LOC128125817: variants seen among roughly 807,000 people sequenced by gnomAD.
the LOC128125817 span, among the ~76,000 whole-genome samples, chr1:41,599,423 A>G: frequency 1.3e-5 from 2 of 152,216 alleles, no homozygotes; most frequent in African/African-American, 4.8e-5. Context: ...ATTGTGCTTC[A>G]TTAAAATTTA....
At chr1:41,609,556 T>G in the LOC128125817 span, among the ~76,000 whole-genome samples, 6 of 152,214 alleles carry the variant, frequency 3.9e-5, no homozygotes, top group African/African-American at 9.6e-5. Context: ...GGAGAAAGGG[T>G]TCCACCCCAT....
the LOC128125817 span, among the ~76,000 whole-genome samples, chr1:41,611,498 C>T: frequency 6.6e-6 from 1 of 152,222 alleles, no homozygotes; most frequent in Non-Finnish European, 1.5e-5. Context: ...GTTTTTACAT[C>T]CATCTCACAG....
At chr1:41,586,789 T>G in the LOC128125817 span, among the ~76,000 whole-genome samples, 1 of 152,184 alleles carries the variant, frequency 6.6e-6, no homozygotes, top group Non-Finnish European at 1.5e-5. Flanking sequence ...ATCCTCTAAG[T>G]TCACTCCTTT....
chr1:41,617,681 G>A, the LOC128125817 span, among the ~76,000 whole-genome samples: 1 of 152,220 alleles, frequency 6.6e-6, no homozygotes, highest in Admixed American at 6.5e-5. Flanking sequence ...CATGATGCAC[G>A]GGAGAGAACC....
chr1:41,590,018 C>T, the LOC128125817 span, among the ~76,000 whole-genome samples: 8 of 152,180 alleles, frequency 5.3e-5, no homozygotes, highest in African/African-American at 1.9e-4. Flanking sequence ...AAGCCAGTGC[C>T]CCTTCTAAAA....
At chr1:41,627,809 C>T in the LOC128125817 span, among the ~76,000 whole-genome samples, 2 of 152,150 alleles carry the variant, frequency 1.3e-5, no homozygotes, top group African/African-American at 4.8e-5. Context: ...AATGTAGATT[C>T]CTGGGTCCCC....
chr1:41,620,281 A>C, the LOC128125817 span, among the ~76,000 whole-genome samples: 10 of 152,042 alleles, frequency 6.6e-5, no homozygotes, highest in Non-Finnish European at 1.5e-4. Context: ...AGCAAACAGA[A>C]ATTTTTTCTC....
At chr1:41,617,027 C>T in the LOC128125817 span, among the ~76,000 whole-genome samples, 1 of 152,146 alleles carries the variant, frequency 6.6e-6, no homozygotes, top group Non-Finnish European at 1.5e-5. Flanking sequence ...CGGATTTGAA[C>T]CCTGGCTGTC....
At chr1:41,595,377 C>T in the LOC128125817 span, among the ~76,000 whole-genome samples, 9 of 152,178 alleles carry the variant, frequency 5.9e-5, no homozygotes, top group Non-Finnish European at 4.4e-5. Flanking sequence ...TAGGGCCCAC[C>T]CAGTCTTCCT....
chr1:41,626,485 G>T, the LOC128125817 span, among the ~76,000 whole-genome samples: 2 of 152,208 alleles, frequency 1.3e-5, no homozygotes, highest in Admixed American at 6.5e-5. Context: ...CAAACAAAGA[G>T]TCTGGGCACG....
the LOC128125817 span, among the ~76,000 whole-genome samples, chr1:41,627,911 T>G: frequency 2.5e-4 from 38 of 151,244 alleles, no homozygotes; most frequent in African/African-American, 8.3e-4. Context: ...TTCCTTCCTT[T>G]GTCATACCAG....
chr1:41,599,369 A>G, the LOC128125817 span, among the ~76,000 whole-genome samples: 1 of 152,222 alleles, frequency 6.6e-6, no homozygotes, highest in East Asian at 1.9e-4. Flanking sequence ...TTCTTACTCG[A>G]TTGACAAACG....
the LOC128125817 span, among the ~76,000 whole-genome samples, chr1:41,627,667 C>G: frequency 2.0e-5 from 3 of 152,238 alleles, no homozygotes; most frequent in East Asian, 1.9e-4. Context: ...TTCAGAGAAG[C>G]GAAAGAGTCA....
chr1:41,594,522 G>T, the LOC128125817 span, among the ~76,000 whole-genome samples: 3 of 152,136 alleles, frequency 2.0e-5, no homozygotes, highest in Non-Finnish European at 4.4e-5. Flanking sequence ...CCGCCTGGCC[G>T]ATATCTTATG....
chr1:41,596,797 C>T, the LOC128125817 span, among the ~76,000 whole-genome samples: 1 of 152,106 alleles, frequency 6.6e-6, no homozygotes, highest in Non-Finnish European at 1.5e-5. Flanking sequence ...CCCCCAAGGG[C>T]CCTGATCTTG....
chr1:41,615,373 C>T, the LOC128125817 span, among the ~76,000 whole-genome samples: 1 of 152,248 alleles, frequency 6.6e-6, no homozygotes, highest in Admixed American at 6.5e-5. Flanking sequence ...TGCCCCCCAT[C>T]TCCTCCACCT....
the LOC128125817 span, among the ~76,000 whole-genome samples, chr1:41,586,578 C>T: frequency 7.3e-5 from 11 of 150,774 alleles, no homozygotes; most frequent in Middle Eastern, 3.4e-3. Flanking sequence ...TGCCCTCAGG[C>T]TCCCCTCATG....
the LOC128125817 span, among the ~76,000 whole-genome samples, chr1:41,607,423 C>G: frequency 1.3e-5 from 2 of 152,174 alleles, no homozygotes; most frequent in African/African-American, 4.8e-5. Context: ...GCAAGTATTT[C>G]CTTTCCTCCA....
the LOC128125817 span, among the ~76,000 whole-genome samples, chr1:41,605,197 G>GAAGGC: frequency 1.3e-5 from 2 of 148,372 alleles, no homozygotes; most frequent in African/African-American, 4.9e-5. Context: ...GAAGGGAAGG[G>GAAGGC]AAGGGAGGAA....
Sources: gnomAD v4.1 joint callset for allele counts (sites outside exome capture counted in the v4.1 genomes callset) on GRCh38, gnomAD v4.1.1 for gene constraint, MANE v1.5 for transcripts.